SATB2: variants seen among roughly 807,000 people sequenced by gnomAD.
SATB2 encodes SATB homeobox 2.
In SATB2, 1 loss-of-function variant was observed where a neutral mutation model predicts 73.4. That is an observed-to-expected ratio of 0.01 (90% CI 0.00 to 0.06). SATB2 has a LOEUF of 0.06. Among genes scored for constraint, SATB2 ranks in the 10% least tolerant of loss-of-function variants. The probability of loss-of-function intolerance (pLI) is 1.00; values close to 1 mark genes in which losing one functional copy is unlikely to be tolerated. For missense variants in SATB2, 459 were observed against 945.8 expected (o/e 0.49, Z 6.75); for synonymous variants, 397 against 367.0 (o/e 1.08, Z -0.93).
chr2:199,385,895 A>G (rs1689916075), intron 3 of SATB2, among the ~76,000 whole-genome samples: 1 of 152,056 alleles, frequency 6.6e-6, no homozygotes, highest in Non-Finnish European at 1.5e-5. Context: ...TAGTCTTTCC[A>G]TGTGTCCATT....
At chr2:199,352,052 T>C (rs1383173406) in intron 6 of SATB2, among the ~76,000 whole-genome samples, 3 of 152,158 alleles carry the variant, frequency 2.0e-5, no homozygotes, top group Admixed American at 1.3e-4. Flanking sequence ...TTTGTATTTT[T>C]AGTAGAGACG....
chr2:199,290,201 G>A lies in SATB2; in HGVS notation c.1741-17529C>T, dbSNP rs112728517. Among the ~76,000 whole-genome samples the A allele has an allele frequency of 1.6e-3, 238 of 152,316 alleles. 4 individuals carry two copies. The highest frequency in any genetic ancestry group is 5.5e-3 in the African/African-American group (228 of 41,566). ...CTGTAAGAGCCATGAGCAGCACTAC[G>A]CCTTGGAAGCCTTCTGAGTTCTCCA... On this transcript the variant is annotated intron_variant, in intron 10 of 10. Transcript: ENST00000417098.
intron 7 of SATB2, among the ~76,000 whole-genome samples, chr2:199,342,454 C>T (rs1688534383): frequency 1.3e-5 from 2 of 150,610 alleles, no homozygotes; most frequent in East Asian, 3.9e-4. Flanking sequence ...AGTGGTGATA[C>T]TCAGAATGTA....
At chr2:199,451,346 G>C (rs1692117178) in intron 2 of SATB2, among the ~76,000 whole-genome samples, 1 of 151,050 alleles carries the variant, frequency 6.6e-6, no homozygotes, top group South Asian at 2.1e-4. Flanking sequence ...AAACACTTTA[G>C]AGAAGAGTTA....
chr2:199,305,621 C>T (rs1439878261), intron 10 of SATB2, among the ~76,000 whole-genome samples: 1 of 152,108 alleles, frequency 6.6e-6, no homozygotes, highest in East Asian at 1.9e-4. Flanking sequence ...GAAAAAGTTC[C>T]TCTCTTCTTA....
intron 6 of SATB2, 55 bp from the exon 7 acceptor site, chr2:199,349,228 G>A: frequency 1.5e-6 from 2 of 1,296,944 alleles, no homozygotes; most frequent in Non-Finnish European, 1.1e-6. Flanking sequence ...ACAATTTATT[G>A]CTAATATATG....
At chr2:199,321,429 T>C (rs1574503568) in intron 9 of SATB2, among the ~76,000 whole-genome samples, 1 of 151,040 alleles carries the variant, frequency 6.6e-6, no homozygotes, top group African/African-American at 2.4e-5. Flanking sequence ...TGGATATATA[T>C]ATATCTCAGT....
chr2:199,433,791 A>C (rs1365933853), intron 2 of SATB2, among the ~76,000 whole-genome samples: 1 of 152,154 alleles, frequency 6.6e-6, no homozygotes, highest in Non-Finnish European at 1.5e-5. Flanking sequence ...GAAGGTGACC[A>C]CACAGACACT....
At chr2:199,354,620 A>G (rs1460952813) in intron 6 of SATB2, among the ~76,000 whole-genome samples, 2 of 152,298 alleles carry the variant, frequency 1.3e-5, no homozygotes, top group East Asian at 3.9e-4. Flanking sequence ...CTATTCCAAC[A>G]TCTGGGGAAA....
chr2:199,430,681 CT>C (rs1278154605), intron 3 of SATB2, among the ~76,000 whole-genome samples: 8 of 152,116 alleles, frequency 5.3e-5, no homozygotes, highest in African/African-American at 1.9e-4. Context: ...AGGAAATATT[CT>C]TTCTTAATAA....
intron 7 of SATB2, among the ~76,000 whole-genome samples, chr2:199,341,423 T>A (rs1688503385): frequency 6.6e-6 from 1 of 152,188 alleles, no homozygotes; most frequent in African/African-American, 2.4e-5. Flanking sequence ...CAGAATCACA[T>A]AATTCACCAT....
At chr2:199,433,634 T>A in intron 2 of SATB2, 120 bp from the exon 3 acceptor site, 1 of 926,108 alleles carries the variant, frequency 1.1e-6, no homozygotes, top group Non-Finnish European at 1.7e-6. Flanking sequence ...GTGGTTTAGA[T>A]TAAACAAGCC....
chr2:199,379,682 C>CTTTTTTTTTTTT (rs71015899), intron 5 of SATB2, among the ~76,000 whole-genome samples: 8 of 108,258 alleles, frequency 7.4e-5, no homozygotes, highest in Non-Finnish European at 1.3e-4. Context: ...CTTTTCTTTT[C>CTTTTTTTTTTTT]TTTTTTTTTT....
chr2:199,354,973 G>A (rs1490278347), intron 6 of SATB2, among the ~76,000 whole-genome samples: 9 of 152,056 alleles, frequency 5.9e-5, no homozygotes, highest in Admixed American at 5.9e-4. Flanking sequence ...ATTCATAGAT[G>A]AGAAACTTAT....
At chr2:199,411,019 C>T (rs1690797882) in intron 3 of SATB2, among the ~76,000 whole-genome samples, 1 of 152,022 alleles carries the variant, frequency 6.6e-6, no homozygotes, top group South Asian at 2.1e-4. Context: ...GTAGTAATTG[C>T]TAATACATGG....
intron 7 of SATB2, among the ~76,000 whole-genome samples, chr2:199,335,109 C>T (rs1197777538): frequency 1.3e-5 from 2 of 152,030 alleles, no homozygotes; most frequent in Non-Finnish European, 2.9e-5. Context: ...GTATACAGGG[C>T]ACAACAATGA....
chr2:199,352,580 T>A (rs780430140), intron 6 of SATB2, among the ~76,000 whole-genome samples: 2 of 152,150 alleles, frequency 1.3e-5, no homozygotes, highest in African/African-American at 4.8e-5. Context: ...ACATATTACA[T>A]CCGTAGTAAC....
intron 2 of SATB2, among the ~76,000 whole-genome samples, chr2:199,450,432 A>G (rs917138080): frequency 6.6e-6 from 1 of 152,166 alleles, no homozygotes; most frequent in African/African-American, 2.4e-5. Context: ...TTAGTTATAT[A>G]GGTTTTTTAA....
At chr2:199,300,853 T>G (rs1241804227) in intron 10 of SATB2, among the ~76,000 whole-genome samples, 2 of 152,080 alleles carry the variant, frequency 1.3e-5, no homozygotes, top group Non-Finnish European at 2.9e-5. Flanking sequence ...CTGAGCGAAG[T>G]GGAACCCAGC....
Sources: allele counts gnomAD v4.1 joint callset (sites outside exome capture counted in the v4.1 genomes callset), GRCh38; gene constraint gnomAD v4.1.1; transcripts MANE v1.5; gene names NCBI Gene and HGNC (gene_info 2026-07-23, HGNC 2026-07-21).